Variants in FAM168A observed in about 807,000 individuals in gnomAD.
FAM168A encodes protein FAM168A.
In FAM168A, 3 loss-of-function variants were observed where a neutral mutation model predicts 28.5. That is an observed-to-expected ratio of 0.11 (90% confidence interval 0.05 to 0.27). The LOEUF is 0.27. Among genes scored for constraint, FAM168A ranks in the 10% least tolerant of loss-of-function variants. The probability of loss-of-function intolerance (pLI) is 1.00; values close to 1 mark genes in which losing one functional copy is unlikely to be tolerated. For missense variants in FAM168A, 222 were observed against 311.5 expected (o/e 0.71, Z 2.16); for synonymous variants, 122 against 124.2 (o/e 0.98, Z 0.12).
At chr11:73,502,609 A>G (rs1453341924) in intron 1 of FAM168A, among the ~76,000 whole-genome samples, 3 of 152,158 alleles carry the variant, frequency 2.0e-5, no homozygotes, top group Non-Finnish European at 4.4e-5. Context: ...ATTCTAAACA[A>G]CTGAAAAGGA....
At chr11:73,444,014 A>G (rs1163615484) in intron 2 of FAM168A, among the ~76,000 whole-genome samples, 1 of 152,192 alleles carries the variant, frequency 6.6e-6, no homozygotes, top group Non-Finnish European at 1.5e-5. Flanking sequence ...TGGCTATCCT[A>G]AAGGAGCCAT....
intron 1 of FAM168A, among the ~76,000 whole-genome samples, chr11:73,546,400 A>G (rs1167369899): frequency 1.3e-5 from 2 of 152,220 alleles, no homozygotes; most frequent in Non-Finnish European, 2.9e-5. Context: ...GAAATAAGAC[A>G]GCTTCTCAAT....
chr11:73,589,902 G>A (rs951102362), intron 1 of FAM168A, among the ~76,000 whole-genome samples: 1 of 152,118 alleles, frequency 6.6e-6, no homozygotes, highest in Non-Finnish European at 1.5e-5. Flanking sequence ...ACTCCAGCCT[G>A]GGCGACAAGA....
intron 4 of FAM168A, among the ~76,000 whole-genome samples, chr11:73,417,143 T>C (rs1366646229): frequency 6.6e-6 from 1 of 152,172 alleles, no homozygotes; most frequent in African/African-American, 2.4e-5. Flanking sequence ...TACTCCATTT[T>C]TGGAGATGGT....
intron 1 of FAM168A, among the ~76,000 whole-genome samples, chr11:73,503,242 T>G (rs540726853): frequency 6.6e-5 from 10 of 152,226 alleles, no homozygotes; most frequent in African/African-American, 2.2e-4. Flanking sequence ...GATTTTATAT[T>G]TAGAAAACCC....
chr11:73,437,400 C>CTTTTTT lies in FAM168A; in HGVS notation c.71-6636_71-6631dup, dbSNP rs747204512. 1.4e-4 allele frequency among the ~76,000 whole-genome samples: 14 copies of CTTTTTT among 103,524 alleles called. 1 individual carries two copies. Among genetic ancestry groups the CTTTTTT allele is most frequent in the African/African-American group, 3.9e-4 (10 of 25,334 alleles). The allele number at this position is 103,524 out of a possible 152,430, so 67.9% of individuals were successfully genotyped here. A position where few individuals can be genotyped will look rare whatever the true frequency, so the allele number is the denominator to read the frequency against. On this transcript the variant is annotated intron_variant, in intron 2 of 7. Coordinates refer to ENST00000356467, the MANE Select transcript of FAM168A (RefSeq NM_015159.3). ...GTGTGAGCTACCACGCCCGGCCACT[C>CTTTTTT]TTTTTTTTTTTTTTTTTTTTTGAGA...
At chr11:73,547,085 G>GAAAAAAAAAAAAAAAAAA (rs953416694) in intron 1 of FAM168A, among the ~76,000 whole-genome samples, 1 of 53,552 alleles carries the variant, frequency 1.9e-5, no homozygotes, top group Non-Finnish European at 4.2e-5. Context: ...AGAAGTTCAA[G>GAAAAAAAAAAAAAAAAAA]AAAAAAAAAA....
intron 1 of FAM168A, among the ~76,000 whole-genome samples, chr11:73,537,485 C>T (rs1376433055): frequency 1.3e-5 from 2 of 152,092 alleles, no homozygotes; most frequent in Admixed American, 6.6e-5. Context: ...CGCTTGAACC[C>T]GGGAGGCAGA....
At chr11:73,429,095 A>G (rs1338509655) in intron 3 of FAM168A, among the ~76,000 whole-genome samples, 2 of 152,204 alleles carry the variant, frequency 1.3e-5, no homozygotes, top group African/African-American at 4.8e-5. Context: ...TGAGGTTCTG[A>G]TAGGTCAGGT....
intron 1 of FAM168A, among the ~76,000 whole-genome samples, chr11:73,572,498 G>A (rs1944113438): frequency 6.6e-6 from 1 of 151,666 alleles, no homozygotes; most frequent in Admixed American, 6.6e-5. Flanking sequence ...GAAAGAAGTA[G>A]ACATGGGAGA....
chr11:73,596,601 T>C (rs1428274191), intron 1 of FAM168A, among the ~76,000 whole-genome samples: 1 of 152,148 alleles, frequency 6.6e-6, no homozygotes, highest in Non-Finnish European at 1.5e-5. Flanking sequence ...CAAAGTCCCC[T>C]CTAACAGCCT....
chr11:73,520,295 G>A (rs201620099), intron 1 of FAM168A, among the ~76,000 whole-genome samples: 2 of 151,784 alleles, frequency 1.3e-5, no homozygotes, highest in East Asian at 1.9e-4. Flanking sequence ...TGATCCACCC[G>A]CCTCAGCCTC....
At chr11:73,439,355 T>A (rs984180705) in intron 2 of FAM168A, among the ~76,000 whole-genome samples, 2 of 152,174 alleles carry the variant, frequency 1.3e-5, no homozygotes, top group Non-Finnish European at 2.9e-5. Context: ...GTGCTGCATC[T>A]TCAGAGAAAG....
chr11:73,464,187 T>TAAA (rs60981662), intron 2 of FAM168A, among the ~76,000 whole-genome samples: 76 of 136,578 alleles, frequency 5.6e-4, no homozygotes, highest in African/African-American at 2.0e-3. Flanking sequence ...GAATTGTTAT[T>TAAA]AAAAAAAAAA....
chr11:73,496,897 A>ACACACACACACACACACG (rs1555027749), intron 1 of FAM168A, among the ~76,000 whole-genome samples: 1 of 150,256 alleles, frequency 6.7e-6, no homozygotes, highest in African/African-American at 2.5e-5. Flanking sequence ...ACACACACAC[A>ACACACACACACACACACG]CACACACACG....
chr11:73,552,296 C>A (rs966860027), intron 1 of FAM168A, among the ~76,000 whole-genome samples: 2 of 152,158 alleles, frequency 1.3e-5, no homozygotes, highest in East Asian at 3.9e-4. Context: ...GTGGGGAAGA[C>A]GAAAGAAAAT....
intron 2 of FAM168A, among the ~76,000 whole-genome samples, chr11:73,457,253 G>GTGA (rs1247501006): frequency 2.0e-5 from 3 of 151,362 alleles, no homozygotes; most frequent in East Asian, 3.9e-4. Flanking sequence ...GCCAGGCACA[G>GTGA]TGATGTACAC....
intron 1 of FAM168A, among the ~76,000 whole-genome samples, chr11:73,544,965 T>TA (rs1943718902): frequency 1.1e-5 from 1 of 89,164 alleles, no homozygotes; most frequent in African/African-American, 7.0e-5. Context: ...TTATATATAA[T>TA]ATATATTATA....
chr11:73,519,778 ATG>A (rs10567350), intron 1 of FAM168A, among the ~76,000 whole-genome samples: 46,370 of 149,946 alleles, frequency 0.31, 9,310 homozygotes, highest in African/African-American at 0.58. Context: ...CAGAGCATGT[ATG>A]TGTGTGTGTG....
Sources: gnomAD v4.1 joint callset for allele counts (sites outside exome capture counted in the v4.1 genomes callset) on GRCh38, gnomAD v4.1.1 for gene constraint, MANE v1.5 for transcripts, NCBI Gene and HGNC (gene_info 2026-07-23, HGNC 2026-07-21) for gene names.